The following PCCA variants were observed in gnomAD, a reference collection of about 807,000 sequenced individuals.
The protein encoded by PCCA is propionyl-CoA carboxylase alpha chain, mitochondrial.
A neutral mutation model predicts 101.3 loss-of-function variants in PCCA; 74 were observed. The ratio of observed to expected loss-of-function variants is 0.73; its 90% CI spans 0.61 to 0.89. The LOEUF is 0.89. Ranked by LOEUF, PCCA falls within the 40% of genes least tolerant of loss-of-function variation. The probability of loss-of-function intolerance (pLI) is 0.00; values close to 1 mark genes in which losing one functional copy is unlikely to be tolerated. For synonymous variants in PCCA, 294 were observed against 313.6 expected (o/e 0.94, Z 0.66); for missense variants, 891 against 907.0 (o/e 0.98, Z 0.23).
At chr13:100,263,753 T>C (rs982843075) in intron 10 of PCCA, among the ~76,000 whole-genome samples, 2 of 152,024 alleles carry the variant, frequency 1.3e-5, no homozygotes, top group African/African-American at 4.8e-5. Context: ...TAAATTGATA[T>C]ATCACATATA....
chr13:100,393,302 T>C (rs2076893405), intron 19 of PCCA, among the ~76,000 whole-genome samples: 1 of 152,272 alleles, frequency 6.6e-6, no homozygotes, highest in South Asian at 2.1e-4. Flanking sequence ...AATATAACTT[T>C]CTTTTACCAC....
chr13:100,263,789 T>G (rs1486925223), intron 10 of PCCA, among the ~76,000 whole-genome samples: 2 of 151,348 alleles, frequency 1.3e-5, no homozygotes, highest in African/African-American at 4.9e-5. Context: ...ATATACGGTA[T>G]CTGTATATCA....
intron 7 of PCCA, among the ~76,000 whole-genome samples, chr13:100,213,171 C>G (rs1191091533): frequency 2.6e-5 from 4 of 152,114 alleles, no homozygotes; most frequent in East Asian, 1.9e-4. Context: ...CAAATGTTGG[C>G]TATTGTGGAT....
intron 12 of PCCA, among the ~76,000 whole-genome samples, chr13:100,284,297 T>C (rs1370335087): frequency 1.3e-5 from 2 of 152,198 alleles, no homozygotes; most frequent in Non-Finnish European, 2.9e-5. Flanking sequence ...GGAGCTATTA[T>C]CTACATGAAT....
chr13:100,511,201 G>A (rs1428290646), intron 21 of PCCA, among the ~76,000 whole-genome samples: 1 of 152,158 alleles, frequency 6.6e-6, no homozygotes, highest in Non-Finnish European at 1.5e-5. Context: ...GTTTTTCTCT[G>A]CTTTTCAGCC....
intron 17 of PCCA, among the ~76,000 whole-genome samples, chr13:100,335,313 G>A (rs2152743243): frequency 6.6e-6 from 1 of 152,202 alleles, no homozygotes; most frequent in East Asian, 1.9e-4. Context: ...ACTAACTTGA[G>A]TTTTTTAAAG....
intron 6 of PCCA, among the ~76,000 whole-genome samples, chr13:100,167,565 TA>T (rs1401116179): frequency 6.6e-6 from 1 of 152,054 alleles, no homozygotes; most frequent in Non-Finnish European, 1.5e-5. Flanking sequence ...ATGAATTATT[TA>T]AAAAAATAGA....
chr13:100,461,234 C>T (rs949841412), intron 21 of PCCA, among the ~76,000 whole-genome samples: 4 of 152,150 alleles, frequency 2.6e-5, no homozygotes, highest in African/African-American at 7.2e-5. Flanking sequence ...TTAATTGATT[C>T]GTTTAATTAG....
chr13:100,141,896 A>G (rs1020212666), intron 4 of PCCA, among the ~76,000 whole-genome samples: 2 of 152,228 alleles, frequency 1.3e-5, no homozygotes, highest in Non-Finnish European at 2.9e-5. Flanking sequence ...TGTTAAAGGG[A>G]TATGATGGGT....
At chr13:100,410,367 T>C (rs2077965679) in intron 19 of PCCA, among the ~76,000 whole-genome samples, 2 of 152,266 alleles carry the variant, frequency 1.3e-5, no homozygotes, top group East Asian at 3.9e-4. Context: ...CTTAGCCCTC[T>C]GAGTAGCTGC....
intron 20 of PCCA, among the ~76,000 whole-genome samples, chr13:100,428,140 C>T (rs2152897527): frequency 6.6e-6 from 1 of 152,110 alleles, no homozygotes; most frequent in Non-Finnish European, 1.5e-5. Flanking sequence ...AATCTGGGTT[C>T]ACCGCAGCTT....
intron 18 of PCCA, among the ~76,000 whole-genome samples, chr13:100,346,491 A>T (rs1369162326): frequency 6.6e-6 from 1 of 152,214 alleles, no homozygotes; most frequent in African/African-American, 2.4e-5. Flanking sequence ...TGAGCAAAGA[A>T]ATTTTGCTTA....
chr13:100,091,258 G>C (rs1277093118), intron 1 of PCCA, among the ~76,000 whole-genome samples: 1 of 152,104 alleles, frequency 6.6e-6, no homozygotes, highest in Non-Finnish European at 1.5e-5. Flanking sequence ...TGAGAGGAAG[G>C]CTGTTACTGT....
intron 12 of PCCA, among the ~76,000 whole-genome samples, chr13:100,294,315 G>T (rs1015341362): frequency 1.3e-5 from 2 of 152,082 alleles, no homozygotes; most frequent in Admixed American, 6.5e-5. Context: ...GTGGGGCTAG[G>T]ACTTCAACAT....
rs542118356 is a variant in PCCA, at chr13:100,436,865, G to A, written c.1845+11134G>A. Among the ~76,000 whole-genome samples the A allele has an allele frequency of 3.3e-5, 5 of 152,258 alleles. No individual in the cohort carries two copies. In the South Asian group the frequency reaches 6.2e-4, roughly 19 times the overall value. On this transcript the variant is annotated intron_variant, in intron 20 of 23. Transcript: ENST00000376285. ...TAGTTCCTGACCTCCCAACATTTGC[G>A]AAATCCATACTCCATTAGTGTGGCT...
chr13:100,358,161 A>G (rs1163373413), intron 18 of PCCA, among the ~76,000 whole-genome samples: 1 of 152,226 alleles, frequency 6.6e-6, no homozygotes. Context: ...TTATTTATTG[A>G]GAGCAAAACC....
intron 6 of PCCA, among the ~76,000 whole-genome samples, chr13:100,178,960 C>T (rs1230162338): frequency 6.6e-6 from 1 of 151,368 alleles, no homozygotes; most frequent in Non-Finnish European, 1.5e-5. Flanking sequence ...GCCTGTAATC[C>T]CAGCTACTCG....
intron 7 of PCCA, among the ~76,000 whole-genome samples, chr13:100,228,371 TC>T (rs1307903058): frequency 6.6e-6 from 1 of 152,202 alleles, no homozygotes; most frequent in Non-Finnish European, 1.5e-5. Context: ...TCAGAAATTT[TC>T]TTTTAATAAA....
intron 10 of PCCA, among the ~76,000 whole-genome samples, chr13:100,263,903 A>AGTATCTGTATGTCATAGATACG (rs1566822110): frequency 1.2e-4 from 18 of 150,050 alleles, no homozygotes; most frequent in African/African-American, 4.4e-4. Context: ...TCATAGATAC[A>AGTATCTGTATGTCATAGATACG]GTATCTGTAT....
Sources: allele counts gnomAD v4.1 joint callset (sites outside exome capture counted in the v4.1 genomes callset), GRCh38; gene constraint gnomAD v4.1.1; transcripts MANE v1.5; gene names NCBI Gene and HGNC (gene_info 2026-07-23, HGNC 2026-07-21).